The following CEP63 variants were observed in gnomAD, a reference collection of about 807,000 sequenced individuals.
The protein encoded by CEP63 is centrosomal protein of 63 kDa.
CEP63 carries 84 observed loss-of-function variants against 89.1 expected under a neutral mutation model. The observed-to-expected ratio is 0.94, with a 90% CI of 0.79 to 1.13. CEP63 has a LOEUF of 1.13. Ranked by LOEUF, CEP63 falls within the 50% of genes most tolerant of loss-of-function variation. The pLI, the probability that CEP63 is intolerant of heterozygous loss-of-function variation, is 0.00. For missense variants in CEP63, 838 were observed against 813.3 expected, an observed-to-expected ratio of 1.03 and a Z score of -0.37; for synonymous variants, 267 against 272.5, an observed-to-expected ratio of 0.98 and a Z score of 0.20.
the CEP63 span, among the ~76,000 whole-genome samples, chr3:134,708,595 G>A: frequency 1.1e-3 from 160 of 152,230 alleles, no homozygotes; most frequent in Non-Finnish European, 1.7e-3. Flanking sequence ...ATTGTACTTC[G>A]TGTTCCCAGA....
At chr3:134,759,418 C>T in the CEP63 span, among the ~76,000 whole-genome samples, 2 of 152,184 alleles carry the variant, frequency 1.3e-5, no homozygotes, top group Admixed American at 6.5e-5. Context: ...CAACAGAAAC[C>T]GTGCTCTTGT....
chr3:134,763,351 A>G, the CEP63 span, among the ~76,000 whole-genome samples: 3 of 152,038 alleles, frequency 2.0e-5, no homozygotes, highest in African/African-American at 7.3e-5. Context: ...TAATCAGCAA[A>G]GCTCATTAAA....
chr3:134,754,009 A>G, the CEP63 span, among the ~76,000 whole-genome samples: 1 of 152,186 alleles, frequency 6.6e-6, no homozygotes, highest in African/African-American at 2.4e-5. Context: ...TCCTCTTTTC[A>G]GGAAGTTCCT....
At chr3:134,490,776 C>G (rs749116859) in intron 1 of CEP63, among the ~76,000 whole-genome samples, 3 of 151,924 alleles carry the variant, frequency 2.0e-5, no homozygotes, top group Non-Finnish European at 4.4e-5. Flanking sequence ...AAAACACATA[C>G]CTAAAAGCAA....
the CEP63 span, among the ~76,000 whole-genome samples, chr3:134,731,475 C>T: frequency 1.3e-5 from 2 of 152,148 alleles, no homozygotes; most frequent in African/African-American, 4.8e-5. Flanking sequence ...AAACTCCATA[C>T]ATTTTGAAAT....
At chr3:134,628,013 A>G in the CEP63 span, 1 of 606,380 alleles carries the variant, frequency 1.6e-6, no homozygotes, top group South Asian at 2.0e-5. Context: ...TGGCAGAAGG[A>G]AGACTAAGAA....
the CEP63 span, among the ~76,000 whole-genome samples, chr3:134,701,617 A>G: frequency 6.6e-6 from 1 of 152,094 alleles, no homozygotes; most frequent in African/African-American, 2.4e-5. Context: ...CATGGCCAGT[A>G]TCATACTGAA....
At chr3:134,656,740 C>T in the CEP63 span, among the ~76,000 whole-genome samples, 3 of 152,130 alleles carry the variant, frequency 2.0e-5, no homozygotes, top group Non-Finnish European at 4.4e-5. Flanking sequence ...AGACACAGAG[C>T]CTCCACCTAA....
At chr3:134,636,316 A>C in the CEP63 span, among the ~76,000 whole-genome samples, 3 of 152,214 alleles carry the variant, frequency 2.0e-5, no homozygotes, top group African/African-American at 7.2e-5. Flanking sequence ...ACTGGTCACA[A>C]AGTGCAATTC....
At chr3:134,497,247 G>A (rs769818327) in intron 2 of CEP63, among the ~76,000 whole-genome samples, 12 of 152,054 alleles carry the variant, frequency 7.9e-5, no homozygotes, top group East Asian at 7.7e-4. Flanking sequence ...TTCCTTTGCC[G>A]TGCAAAAACT....
intron 3 of CEP63, among the ~76,000 whole-genome samples, chr3:134,511,655 T>G (rs1944974940): frequency 6.6e-6 from 1 of 152,142 alleles, no homozygotes; most frequent in Non-Finnish European, 1.5e-5. Flanking sequence ...CTCAGGAAAC[T>G]TAATCATGGC....
the CEP63 span, among the ~76,000 whole-genome samples, chr3:134,774,822 C>T: frequency 6.6e-6 from 1 of 152,154 alleles, no homozygotes; most frequent in South Asian, 2.1e-4. Flanking sequence ...CATATTACCT[C>T]CCCTCTTCAG....
the CEP63 span, among the ~76,000 whole-genome samples, chr3:134,656,726 G>GTCCC: frequency 6.6e-6 from 1 of 152,116 alleles, no homozygotes; most frequent in Non-Finnish European, 1.5e-5. Flanking sequence ...AGGACAGGCA[G>GTCCC]GGGAGACACA....
chr3:134,496,617 G>T (rs1559865039), intron 2 of CEP63, among the ~76,000 whole-genome samples: 1 of 152,124 alleles, frequency 6.6e-6, no homozygotes, highest in Non-Finnish European at 1.5e-5. Context: ...GTAAAGTCTT[G>T]CTCTTTTTGT....
At chr3:134,602,691 G>C in the CEP63 span, among the ~76,000 whole-genome samples, 1 of 152,294 alleles carries the variant, frequency 6.6e-6, no homozygotes, top group South Asian at 2.1e-4. Flanking sequence ...TGGGGCAGGG[G>C]CCTGAGGCCC....
chr3:134,662,283 G>GAAA, the CEP63 span, among the ~76,000 whole-genome samples: 6 of 146,080 alleles, frequency 4.1e-5, no homozygotes, highest in South Asian at 2.1e-4. Flanking sequence ...TCTCAAAAAA[G>GAAA]AAAAAAAAAA....
At chr3:134,674,800 A>G in the CEP63 span, among the ~76,000 whole-genome samples, 2 of 152,226 alleles carry the variant, frequency 1.3e-5, no homozygotes, top group African/African-American at 4.8e-5. Flanking sequence ...AATGAAATCA[A>G]GAAAGTAGTT....
At chr3:134,680,344 A>G in the CEP63 span, among the ~76,000 whole-genome samples, 1 of 152,190 alleles carries the variant, frequency 6.6e-6, no homozygotes, top group African/African-American at 2.4e-5. Flanking sequence ...TCTTATGACC[A>G]CTGTTAAGTT....
At chr3:134,778,475 G>A in the CEP63 span, among the ~76,000 whole-genome samples, 1 of 152,148 alleles carries the variant, frequency 6.6e-6, no homozygotes, top group African/African-American at 2.4e-5. Context: ...TAATGACAAT[G>A]ACTAAAGTTT....
Sources: allele counts gnomAD v4.1 joint callset (sites outside exome capture counted in the v4.1 genomes callset), GRCh38; gene constraint gnomAD v4.1.1; transcripts MANE v1.5; gene names NCBI Gene and HGNC (gene_info 2026-07-23, HGNC 2026-07-21).